XK: variants seen among roughly 807,000 people sequenced by gnomAD.
The protein encoded by XK is X-linked Kx blood group antigen, Kell and VPS13A binding protein, also known as endoplasmic reticulum membrane adapter protein XK.
A neutral mutation model predicts 14.0 loss-of-function variants in XK; 2 were observed. That is an observed-to-expected ratio of 0.14 (90% confidence interval 0.06 to 0.45). The LOEUF is 0.45. XK is among the 20% of genes least tolerant of loss of function. The pLI is 0.98. For synonymous variants in XK, 149 were observed against 147.5 expected (o/e 1.01, Z -0.08); for missense variants, 235 against 341.5 (o/e 0.69, Z 2.46).
chrX:37,724,124 A>G (rs1464109278), intron 2 of XK, among the ~76,000 whole-genome samples: 1 of 111,719 alleles, frequency 9.0e-6, no homozygotes, highest in African/African-American at 3.2e-5. Context: ...CTCCCAGGCA[A>G]ATAAATACCA....
chrX:37,727,462 C>A (rs782727961), intron 2 of XK, among the ~76,000 whole-genome samples, 174 bp from the exon 3 acceptor site: 104 of 111,237 alleles, frequency 9.3e-4, no homozygotes, highest in African/African-American at 3.3e-3. Flanking sequence ...CAGCTTTCTG[C>A]AGTTCTGGAA....
intron 2 of XK, among the ~76,000 whole-genome samples, chrX:37,705,830 G>A (rs144615947): frequency 0.021 from 2,208 of 105,033 alleles, 61 homozygotes; most frequent in African/African-American, 0.071. Flanking sequence ...ATGGCTCACC[G>A]TAGCCTCAAA....
chrX:37,707,529 C>G (rs781968587), intron 2 of XK, among the ~76,000 whole-genome samples: 1 of 103,300 alleles, frequency 9.7e-6, no homozygotes, highest in Non-Finnish European at 2.0e-5. Flanking sequence ...ACTTCTCAGA[C>G]GGGGCGGCTG....
At chrX:37,710,756 C>G (rs1184035359) in intron 2 of XK, among the ~76,000 whole-genome samples, 3 of 112,635 alleles carry the variant, frequency 2.7e-5, no homozygotes, top group Non-Finnish European at 5.6e-5. Context: ...AGAGGGAAGA[C>G]AGTTGAACCT....
chrX:37,707,650 C>T (rs1472576926), intron 2 of XK, among the ~76,000 whole-genome samples: 3 of 109,817 alleles, frequency 2.7e-5, no homozygotes, highest in East Asian at 2.9e-4. Flanking sequence ...AGACAATGGG[C>T]GGCCGGGCAG....
intron 2 of XK, among the ~76,000 whole-genome samples, chrX:37,718,469 TAC>T (rs1222494619): frequency 8.9e-6 from 1 of 112,292 alleles, no homozygotes. Context: ...AATGTATTGA[TAC>T]AGTCTGCTTT....
At chrX:37,720,693 T>C (rs1194556973) in intron 2 of XK, among the ~76,000 whole-genome samples, 1 of 110,531 alleles carries the variant, frequency 9.0e-6, no homozygotes, top group African/African-American at 3.3e-5. Flanking sequence ...TTTACCACCC[T>C]CCCAAGTCTC....
intron 2 of XK, among the ~76,000 whole-genome samples, chrX:37,726,343 A>T (rs1927973448): frequency 8.9e-6 from 1 of 112,259 alleles, no homozygotes; most frequent in Non-Finnish European, 1.9e-5. Context: ...TTTTTAAAAA[A>T]TGAAGCAGCA....
intron 2 of XK, among the ~76,000 whole-genome samples, chrX:37,717,953 G>T (rs1556448157): frequency 1.8e-5 from 2 of 111,780 alleles, no homozygotes; most frequent in Non-Finnish European, 3.8e-5. Context: ...AAATATCTCT[G>T]AAACAACTTC....
chrX:37,694,456 C>T lies in XK; in HGVS notation c.416C>T (p.Ala139Val), dbSNP rs1413513552. The change falls in exon 2 of 3, where the codon GCG becomes GTG. Residue 139 changes from alanine (A) to valine (V), a missense_variant. Ala to Val is a moderately conservative substitution (Grantham distance 64, BLOSUM62 0). Transcript: ENST00000378616. ...ACCCACCGATCAGCGTTCAGCCGGG[C>T]GTCGGTGATCCAGGCTTTCTTGGGC... is the stretch of plus-strand genomic sequence containing the variant. ...LITHRSAFSR[A>V]SVIQAFLGSA... 4.2e-6 allele frequency: 5 copies of T among 1,191,495 alleles called. No individual in the cohort carries two copies. The highest frequency in any genetic ancestry group is 5.7e-6 in the Non-Finnish European group (5 of 883,900).
At position 37,685,905 on chromosome X, in the gene XK, A is replaced by AGCCACACAGCCGCCGCCACT; in HGVS notation, c.-54_-35dup. The AGCCACACAGCCGCCGCCACT allele has an allele frequency of 1.7e-6, 2 of 1,160,307 alleles. No homozygotes were observed. The highest frequency in any genetic ancestry group is 2.3e-6 in the Non-Finnish European group (2 of 867,904). Reference sequence around the variant, plus strand: ...CTCGGGCAACGGCCGCCGCCGCCACAGCCACACAGCCGCCGCCACTGCGTC... The same window carrying AGCCACACAGCCGCCGCCACT: ...CTCGGGCAACGGCCGCCGCCGCCACAGCCACACAGCCGCCGCCACTGCCACACAGCCGCCGCCACTGCGTC... On this transcript the variant is annotated 5_prime_UTR_variant, in exon 1 of 3. It introduces an in-frame stop codon into an upstream open reading frame of the 5' UTR. Coordinates refer to ENST00000378616, the MANE Select transcript of XK (RefSeq NM_021083.4).
At chrX:37,718,566 A>G (rs1927809376) in intron 2 of XK, among the ~76,000 whole-genome samples, 1 of 111,678 alleles carries the variant, frequency 9.0e-6, no homozygotes, top group Non-Finnish European at 1.9e-5. Flanking sequence ...TTTAGTACAC[A>G]TATATATGCA....
At chrX:37,715,935 G>T (rs1927757746) in intron 2 of XK, among the ~76,000 whole-genome samples, 1 of 110,980 alleles carries the variant, frequency 9.0e-6, no homozygotes, top group African/African-American at 3.3e-5. Flanking sequence ...ACTTAGGTTT[G>T]GCTTTGGCAT....
intron 2 of XK, among the ~76,000 whole-genome samples, chrX:37,703,832 C>T (rs1927460477): frequency 8.9e-6 from 1 of 112,387 alleles, no homozygotes; most frequent in Admixed American, 9.4e-5. Context: ...GTTAGGGTCT[C>T]TTGGATTTCT....
chrX:37,688,060 T>C (rs1467387336), intron 1 of XK, among the ~76,000 whole-genome samples: 1 of 46,745 alleles, frequency 2.1e-5, no homozygotes, highest in East Asian at 4.1e-4. Flanking sequence ...TCTTTCTTTC[T>C]TTTTTTTTTT....
At chrX:37,713,783 A>T (rs887177045) in intron 2 of XK, among the ~76,000 whole-genome samples, 2 of 111,585 alleles carry the variant, frequency 1.8e-5, no homozygotes, top group Non-Finnish European at 3.8e-5. Context: ...GACCAGCTTC[A>T]TCCTCTTAAC....
chrX:37,715,279 T>C (rs145926237), intron 2 of XK, among the ~76,000 whole-genome samples: 1,575 of 111,359 alleles, frequency 0.014, 27 homozygotes, highest in African/African-American at 0.047. Flanking sequence ...TTCCTTGTCA[T>C]GATTTCAGAG....
At chrX:37,710,727 C>G (rs1927647087) in intron 2 of XK, among the ~76,000 whole-genome samples, 1 of 112,488 alleles carries the variant, frequency 8.9e-6, no homozygotes, top group Non-Finnish European at 1.9e-5. Flanking sequence ...GGAAACAAAA[C>G]TTCTTGTATG....
chrX:37,729,595 C>T lies in XK; in HGVS notation c.*1133C>T, dbSNP rs1300033690. ...TGTTCTATATAATTTTTCCTTTAAT[C>T]GGAGACCCTATTTGTTTCATTAAAG... On this transcript the variant is annotated 3_prime_UTR_variant, in exon 3 of 3. Transcript: ENST00000378616. 4 of 111,529 alleles carry T rather than the reference C, an allele frequency of 3.6e-5. No homozygotes were observed. Among genetic ancestry groups the T allele is most frequent in the East Asian group, 2.8e-4 (1 of 3,584 alleles). The allele number at this position is 111,529 out of a possible 1,213,427, so 9.2% of individuals were successfully genotyped here.
Sources: allele counts gnomAD v4.1 joint callset (sites outside exome capture counted in the v4.1 genomes callset), GRCh38; gene constraint gnomAD v4.1.1; transcripts MANE v1.5; gene names NCBI Gene and HGNC (gene_info 2026-07-23, HGNC 2026-07-21).